The following CHODL variants were observed in gnomAD, a reference collection of about 807,000 sequenced individuals.
The protein encoded by CHODL is transmembrane protein MT75.
Under a neutral mutation model 34.5 loss-of-function variants are expected in CHODL, and 29 were observed. That is an observed-to-expected ratio of 0.84 (90% confidence interval 0.63 to 1.15). The LOEUF (loss-of-function observed/expected upper bound fraction) is 1.15, where lower values mean the gene tolerates loss of function less well. CHODL is among the 50% of genes most tolerant of loss of function. CHODL has a pLI of 0.00. For missense variants in CHODL, 332 were observed against 332.5 expected (o/e 1.00, Z 0.01); for synonymous variants, 125 against 116.1 (o/e 1.08, Z -0.49).
intron 2 of CHODL, among the ~76,000 whole-genome samples, chr21:18,097,660 G>C (rs1238788940): frequency 6.6e-6 from 1 of 151,934 alleles, no homozygotes; most frequent in Non-Finnish European, 1.5e-5. Flanking sequence ...AGTCTACAGA[G>C]TCAATGCAAT....
At chr21:18,223,568 A>C (rs1176335556) in intron 2 of CHODL, among the ~76,000 whole-genome samples, 4 of 152,180 alleles carry the variant, frequency 2.6e-5, no homozygotes, top group Non-Finnish European at 1.5e-5. Flanking sequence ...GATTTACTAA[A>C]TATATGCCTC....
intron 2 of CHODL, among the ~76,000 whole-genome samples, chr21:18,104,626 T>C (rs138930968): frequency 6.6e-6 from 1 of 152,298 alleles, no homozygotes; most frequent in African/African-American, 2.4e-5. Flanking sequence ...ACTGGACTAC[T>C]AAAAAGTGAC....
At chr21:17,987,028 A>C (rs567903760) in intron 1 of CHODL, among the ~76,000 whole-genome samples, 48 of 152,316 alleles carry the variant, frequency 3.2e-4, no homozygotes, top group African/African-American at 9.9e-4. Context: ...AGAAGAAATT[A>C]ACAAAAAGTT....
At chr21:18,116,960 T>G (rs1370585294) in intron 2 of CHODL, among the ~76,000 whole-genome samples, 2 of 152,176 alleles carry the variant, frequency 1.3e-5, no homozygotes, top group South Asian at 2.1e-4. Context: ...TGCGCCCACA[T>G]TTTTGTAGAT....
rs150557806 is a variant in CHODL at position 18,129,892 on chromosome 21, CTGTGTGTGTGTGTG to C, written c.-45+101945_-45+101958del. 2.5e-4 allele frequency among the ~76,000 whole-genome samples: 35 copies of C among 140,700 alleles called. 1 individual carries two copies. The highest frequency in any genetic ancestry group is 1.4e-3 in the Admixed American group (19 of 14,002). 92.3% of individuals were successfully genotyped at this position (140,700 alleles called of 152,430 possible). A position where few individuals can be genotyped will look rare whatever the true frequency, so the allele number is the denominator to read the frequency against. On this transcript the variant is annotated intron_variant, in intron 2 of 6. Coordinates refer to the CHODL transcript ENST00000400127. ...TAGTATTCTCTCTCTCTGTCTTTCT[CTGTGTGTGTGTGTG>C]TGTGTGTGTGTGTGTGTGTGTGTCT...
intron 2 of CHODL, among the ~76,000 whole-genome samples, chr21:18,119,340 C>T (rs2065451681): frequency 6.6e-6 from 1 of 151,910 alleles, no homozygotes; most frequent in Admixed American, 6.6e-5. Flanking sequence ...ATTAACTCCC[C>T]GTTTGCTTAC....
At chr21:17,926,011 A>G (rs2063219348) in intron 1 of CHODL, among the ~76,000 whole-genome samples, 2 of 152,206 alleles carry the variant, frequency 1.3e-5, no homozygotes, top group South Asian at 4.1e-4. Flanking sequence ...TAGTAATTTA[A>G]TTAGTTCCAA....
At chr21:18,073,964 A>C (rs895128785) in intron 2 of CHODL, among the ~76,000 whole-genome samples, 9 of 152,012 alleles carry the variant, frequency 5.9e-5, no homozygotes, top group Middle Eastern at 3.4e-3. Flanking sequence ...ATAGAAGGTC[A>C]TTTTTTTTCT....
intron 2 of CHODL, among the ~76,000 whole-genome samples, chr21:18,046,750 C>A (rs776229643): frequency 4.6e-5 from 7 of 151,898 alleles, no homozygotes; most frequent in Non-Finnish European, 8.8e-5. Context: ...TATCCTTTAA[C>A]ATTTTATGAT....
At chr21:18,107,795 G>A (rs1371052717) in intron 2 of CHODL, among the ~76,000 whole-genome samples, 3 of 152,182 alleles carry the variant, frequency 2.0e-5, no homozygotes, top group Non-Finnish European at 2.9e-5. Context: ...TGAAGTTAAA[G>A]AAATTAAAGG....
intron 2 of CHODL, among the ~76,000 whole-genome samples, chr21:18,198,779 T>C (rs866091131): frequency 1.6e-4 from 24 of 152,146 alleles, no homozygotes; most frequent in African/African-American, 5.3e-4. Flanking sequence ...AATTACATCA[T>C]TAAAAGGAAA....
chr21:18,150,580 G>A (rs935989666), intron 2 of CHODL, among the ~76,000 whole-genome samples: 1 of 152,100 alleles, frequency 6.6e-6, no homozygotes, highest in African/African-American at 2.4e-5. Flanking sequence ...GAAAAAGGGG[G>A]CCAGGGAGCT....
chr21:18,071,016 C>T (rs1157578111), intron 2 of CHODL, among the ~76,000 whole-genome samples: 2 of 151,658 alleles, frequency 1.3e-5, no homozygotes, highest in African/African-American at 4.8e-5. Flanking sequence ...GTTTCTTATA[C>T]TAAGTCATTA....
At chr21:18,221,647 A>G (rs889738406) in intron 2 of CHODL, among the ~76,000 whole-genome samples, 3 of 152,154 alleles carry the variant, frequency 2.0e-5, no homozygotes, top group African/African-American at 7.2e-5. Flanking sequence ...TAAGCAACAC[A>G]CGTTATGTCT....
At chr21:18,208,011 G>T (rs2073732079) in intron 2 of CHODL, among the ~76,000 whole-genome samples, 1 of 151,736 alleles carries the variant, frequency 6.6e-6, no homozygotes, top group Non-Finnish European at 1.5e-5. Context: ...TCTAGGTTTG[G>T]GAAGTTCTGT....
chr21:18,092,583 A>C (rs2065087118), intron 2 of CHODL, among the ~76,000 whole-genome samples: 1 of 152,260 alleles, frequency 6.6e-6, no homozygotes, highest in Non-Finnish European at 1.5e-5. Flanking sequence ...GATAACACAG[A>C]AAATGAATTC....
intron 2 of CHODL, among the ~76,000 whole-genome samples, chr21:18,082,294 A>T (rs1286564434): frequency 1.3e-5 from 2 of 152,156 alleles, no homozygotes; most frequent in Admixed American, 6.5e-5. Flanking sequence ...CTTCCCAGTC[A>T]TGCTTCCCAT....
At chr21:18,041,514 A>G (rs940598134) in intron 2 of CHODL, among the ~76,000 whole-genome samples, 1 of 151,950 alleles carries the variant, frequency 6.6e-6, no homozygotes, top group Admixed American at 6.6e-5. Flanking sequence ...TGAAATATAT[A>G]TAAAATTGGG....
intron 1 of CHODL, among the ~76,000 whole-genome samples, chr21:18,000,691 A>G (rs549650429): frequency 6.6e-6 from 1 of 152,312 alleles, no homozygotes; most frequent in Admixed American, 6.5e-5. Context: ...TTTTCCAAAA[A>G]GTGTTTCTCC....
Sources: gnomAD v4.1 joint callset for allele counts (sites outside exome capture counted in the v4.1 genomes callset) on GRCh38, gnomAD v4.1.1 for gene constraint, MANE v1.5 for transcripts, NCBI Gene and HGNC (gene_info 2026-07-23, HGNC 2026-07-21) for gene names.